Variants in VPS8 observed in about 807,000 individuals in gnomAD.
The protein encoded by VPS8 is VPS8 subunit of CORVET complex.
Under a neutral mutation model 216.4 loss-of-function variants are expected in VPS8, and 129 were observed. The ratio of observed to expected loss-of-function variants is 0.60; its 90% CI spans 0.52 to 0.69. The LOEUF (loss-of-function observed/expected upper bound fraction) is 0.69. Ranked by LOEUF, VPS8 falls within the 30% of genes least tolerant of loss-of-function variation. The pLI, the probability that VPS8 is intolerant of heterozygous loss-of-function variation, is 0.00. For synonymous variants in VPS8, 571 were observed against 565.4 expected (o/e 1.01, Z -0.14); for missense variants, 1,531 against 1,683.5 (o/e 0.91, Z 1.59).
In VPS8 at chr3:184,969,180, C is replaced by A. The variant is rs563316770; in HGVS notation, c.3316+2467C>A. Among the ~76,000 whole-genome samples the A allele has an allele frequency of 2.8e-4, 41 of 148,518 alleles. No homozygotes were observed. The South Asian group carries it at 8.9e-3, about 32-fold the overall frequency. On this transcript the variant is annotated intron_variant, in intron 39 of 47. Transcript: ENST00000625842. Reference sequence around the variant, plus strand: ...TTGCCCAGGCTGGAGTGCAGTGGCGCAATCTTGGCTCACTGCAACCTCTGC... The same window carrying A: ...TTGCCCAGGCTGGAGTGCAGTGGCGAAATCTTGGCTCACTGCAACCTCTGC...
At position 184,930,474 on chromosome 3, in the gene VPS8, A is replaced by G; in HGVS notation, c.2804A>G (p.Glu935Gly). 6.2e-7 allele frequency: 1 copy of G among 1,609,616 alleles called. No homozygotes were observed. Among genetic ancestry groups the G allele is most frequent in the Non-Finnish European group, 8.5e-7 (1 of 1,176,150 alleles). ...CYLRDPLREE[E>G]VFNYIHNILS... ...ATATTGTCTTGTGCTCTTCAGGAAG[A>G]AGTCTTTAATTACATTCACAATATC... Residue 935 changes from glutamate to glycine, a missense_variant, in exon 34 of 48, where the codon GAA becomes GGA. By Grantham distance (98) the Glu-to-Gly change is moderately conservative (BLOSUM62 -2). This residue lies in a region of VPS8 where 1,318 missense variants were observed against 1,468.4 expected (regional missense o/e 0.90). Coordinates refer to ENST00000625842, the MANE Select transcript of VPS8 (RefSeq NM_001009921.3).
intron 25 of VPS8, among the ~76,000 whole-genome samples, chr3:184,901,518 GTTTTTTTTT>G (rs1265622224): frequency 7.1e-6 from 1 of 141,640 alleles, no homozygotes; most frequent in Non-Finnish European, 1.5e-5. Flanking sequence ...GGTTTTTTTT[GTTTTTTTTT>G]TTAGTTAAAC....
chr3:184,898,144 G>A (rs930117599), intron 23 of VPS8, among the ~76,000 whole-genome samples: 1 of 152,030 alleles, frequency 6.6e-6, no homozygotes, highest in Non-Finnish European at 1.5e-5. Flanking sequence ...GTACCCCTAC[G>A]TCCTTTTGCT....
Position 184,834,688 on chromosome 3 carries a change from A to C in VPS8, c.393A>C (p.Ser131=). The change falls in exon 5 of 48, where the codon TCA becomes TCC. Residue 131 remains serine (S), a synonymous_variant. Coordinates refer to ENST00000625842, the MANE Select transcript of VPS8 (RefSeq NM_001009921.3). The part of the protein sequence containing the change: ...KLPDSFSLHG[S]VMRHSLLKGI... ...CTGATTCTTTTTCACTTCATGGATC[A>C]GTTATGCGCCATTCACTTTTGAAGG... 6.4e-7 allele frequency: 1 copy of C among 1,559,066 alleles called. No individual in the cohort carries two copies. Among genetic ancestry groups the C allele is most frequent in the South Asian group, 1.2e-5 (1 of 83,834 alleles).
chr3:185,031,335 T>C (rs1190747005), intron 46 of VPS8, among the ~76,000 whole-genome samples: 1 of 152,182 alleles, frequency 6.6e-6, no homozygotes, highest in Non-Finnish European at 1.5e-5. Flanking sequence ...ATGCGAGTTC[T>C]CATAAACAAC....
intron 35 of VPS8, among the ~76,000 whole-genome samples, chr3:184,937,420 A>G (rs1341818004): frequency 1.3e-5 from 2 of 152,212 alleles, no homozygotes; most frequent in Non-Finnish European, 2.9e-5. Context: ...TATGGAATTC[A>G]TTCATTCGAA....
At chr3:184,939,376 C>T (rs1742237592) in intron 35 of VPS8, among the ~76,000 whole-genome samples, 1 of 151,668 alleles carries the variant, frequency 6.6e-6, no homozygotes, top group African/African-American at 2.4e-5. Context: ...CCATTTTTTA[C>T]AGATAAAGTG....
intron 23 of VPS8, 110 bp downstream of exon 23, chr3:184,895,035 T>A: frequency 1.2e-6 from 1 of 858,038 alleles, no homozygotes; most frequent in Non-Finnish European, 1.8e-6. Flanking sequence ...CGTAATTATT[T>A]ATTGAGCACT....
intron 29 of VPS8, among the ~76,000 whole-genome samples, chr3:184,921,291 C>T (rs763106383): frequency 2.0e-5 from 3 of 152,168 alleles, no homozygotes; most frequent in Non-Finnish European, 4.4e-5. Flanking sequence ...AACTCAGGGA[C>T]GCAGATTCCT....
chr3:184,823,877 G>A (rs1357249793), intron 1 of VPS8, among the ~76,000 whole-genome samples: 1 of 152,132 alleles, frequency 6.6e-6, no homozygotes, highest in Non-Finnish European at 1.5e-5. Flanking sequence ...AGCTGTATAA[G>A]TTTCTAGTTT....
intron 45 of VPS8, among the ~76,000 whole-genome samples, chr3:185,005,180 C>G (rs1398292621): frequency 6.6e-6 from 1 of 152,164 alleles, no homozygotes; most frequent in Non-Finnish European, 1.5e-5. Flanking sequence ...GATCAGTTAG[C>G]TGTAAGTATT....
intron 45 of VPS8, among the ~76,000 whole-genome samples, chr3:185,016,594 A>G (rs1175266345): frequency 6.6e-6 from 1 of 152,240 alleles, no homozygotes; most frequent in Non-Finnish European, 1.5e-5. Flanking sequence ...TAGTAAAGAA[A>G]TAGTCTTTTA....
At chr3:184,870,595 A>G (rs1210502432) in intron 20 of VPS8, 121 bp from the exon 21 acceptor site, 1 of 808,918 alleles carries the variant, frequency 1.2e-6, no homozygotes, top group Non-Finnish European at 1.9e-6. Context: ...TAAAGCCACT[A>G]AAATTTTCAG....
chr3:184,912,888 C>T (rs1193889473), intron 25 of VPS8, among the ~76,000 whole-genome samples: 1 of 152,200 alleles, frequency 6.6e-6, no homozygotes, highest in Non-Finnish European at 1.5e-5. Flanking sequence ...TGGGCGTTCC[C>T]AGTCACTTCA....
chr3:185,038,804 C>T (rs1334658135), intron 46 of VPS8, among the ~76,000 whole-genome samples: 2 of 152,160 alleles, frequency 1.3e-5, no homozygotes, highest in Non-Finnish European at 2.9e-5. Context: ...GGGGCAGCAG[C>T]CTCAGGTGAG....
chr3:184,820,345 G>A (rs530990149), intron 1 of VPS8, among the ~76,000 whole-genome samples: 4 of 152,156 alleles, frequency 2.6e-5, no homozygotes, highest in South Asian at 4.2e-4. Context: ...CGTGTTCAAC[G>A]CCTGTGACAT....
At chr3:184,956,727 A>C (rs956365823) in intron 36 of VPS8, among the ~76,000 whole-genome samples, 1 of 152,186 alleles carries the variant, frequency 6.6e-6, no homozygotes, top group African/African-American at 2.4e-5. Flanking sequence ...TTGTGTAGGC[A>C]TTGTGAATAG....
At chr3:184,919,995 G>A in intron 28 of VPS8, 132 bp from the exon 29 acceptor site, 1 of 658,508 alleles carries the variant, frequency 1.5e-6, no homozygotes, top group Non-Finnish European at 2.5e-6. Flanking sequence ...AGGTGTATAA[G>A]ACAAAACCTA....
intron 29 of VPS8, among the ~76,000 whole-genome samples, chr3:184,922,162 A>G (rs768820400): frequency 6.6e-6 from 1 of 152,072 alleles, no homozygotes; most frequent in Non-Finnish European, 1.5e-5. Flanking sequence ...TTTTCCTTTC[A>G]CTGACTGGCA....
Sources: gnomAD v4.1 joint callset for allele counts (sites outside exome capture counted in the v4.1 genomes callset) on GRCh38, gnomAD v4.1.1 for gene constraint, gnomAD v4.1.1 regional missense constraint, MANE v1.5 for transcripts, NCBI Gene and HGNC (gene_info 2026-07-23, HGNC 2026-07-21) for gene names.